The following CCDC57 variants were observed in gnomAD, a reference collection of about 807,000 sequenced individuals.
The protein encoded by CCDC57 is coiled-coil domain containing 57.
CCDC57 carries 118 observed loss-of-function variants against 118.9 expected under a neutral mutation model. That is an observed-to-expected ratio of 0.99 (90% CI 0.86 to 1.16). The LOEUF is 1.16. Ranked by LOEUF, CCDC57 falls within the 50% of genes most tolerant of loss-of-function variation. CCDC57 has a pLI of 0.00. For synonymous variants in CCDC57, 527 were observed against 532.9 expected (o/e 0.99, Z 0.15); for missense variants, 1,300 against 1,320.7 (o/e 0.98, Z 0.24).
At chr17:82,126,203 C>T (rs1480627699) in intron 19 of CCDC57, 1 of 216,980 alleles carries the variant, frequency 4.6e-6, no homozygotes, top group Non-Finnish European at 7.8e-6. Flanking sequence ...TCATTTGAAC[C>T]CGGGAGGAGG....
intron 11 of CCDC57, among the ~76,000 whole-genome samples, chr17:82,177,943 G>A (rs982566272): frequency 2.6e-5 from 4 of 152,162 alleles, no homozygotes; most frequent in Admixed American, 6.5e-5. Context: ...CCTGCACCCC[G>A]CTTCCCTCTG....
exon 9 of CCDC57, chr17:82,183,878 T>C (rs2146504913): frequency 6.2e-7 from 1 of 1,613,732 alleles, no homozygotes; most frequent in Non-Finnish European, 8.5e-7. Flanking sequence ...CCTTAGATAG[T>C]TGAGCAATTT....
At chr17:82,182,252 G>T (rs1771366744) in intron 9 of CCDC57, among the ~76,000 whole-genome samples, 1 of 149,160 alleles carries the variant, frequency 6.7e-6, no homozygotes, top group South Asian at 2.1e-4. Flanking sequence ...GATACATGAT[G>T]TTTTATTTCA....
At chr17:82,101,533 G>A (rs776173763) in exon 20 of CCDC57, 8 of 654,920 alleles carry the variant, frequency 1.2e-5, no homozygotes, top group Admixed American at 2.9e-5. Flanking sequence ...CAGCAGGGTC[G>A]CCTCAGCAGC....
At chr17:82,128,323 C>T (rs1232866448) in intron 18 of CCDC57, among the ~76,000 whole-genome samples, 170 bp downstream of exon 17, 1 of 152,152 alleles carries the variant, frequency 6.6e-6, no homozygotes, top group Non-Finnish European at 1.5e-5. Flanking sequence ...TGGGACCACC[C>T]GGCAAACGCT....
At chr17:82,137,908 G>A (rs1381772258) in intron 16 of CCDC57, among the ~76,000 whole-genome samples, 8 of 151,396 alleles carry the variant, frequency 5.3e-5, no homozygotes, top group African/African-American at 1.2e-4. Flanking sequence ...TCTTGACCTC[G>A]TGATCCACCT....
At chr17:82,204,811 C>T (rs892602197) in intron 2 of CCDC57, among the ~76,000 whole-genome samples, 1 of 152,150 alleles carries the variant, frequency 6.6e-6, no homozygotes, top group Non-Finnish European at 1.5e-5. Context: ...AACCAGGCTT[C>T]CCATTCCACT....
chr17:82,149,507 A>G (rs2041552028), intron 16 of CCDC57, among the ~76,000 whole-genome samples: 1 of 152,094 alleles, frequency 6.6e-6, no homozygotes, highest in South Asian at 2.1e-4. Context: ...GCTGCTCACC[A>G]CAGAGCCGCA....
chr17:82,110,958 G>A (rs1390747886), intron 19 of CCDC57, among the ~76,000 whole-genome samples: 2 of 151,370 alleles, frequency 1.3e-5, no homozygotes, highest in Non-Finnish European at 2.9e-5. Flanking sequence ...CCTGGAGGTG[G>A]AGGTTGCGGT....
At chr17:82,189,628 T>C (rs2047400901) in intron 7 of CCDC57, among the ~76,000 whole-genome samples, 1 of 151,964 alleles carries the variant, frequency 6.6e-6, no homozygotes, top group Non-Finnish European at 1.5e-5. Flanking sequence ...GGAGGGTGGA[T>C]CGCTTGAGGT....
exon 20 of CCDC57, chr17:82,101,696 TGTA>T (rs2034463050): frequency 6.2e-7 from 1 of 1,606,676 alleles, no homozygotes; most frequent in Non-Finnish European, 8.5e-7. Context: ...TCCATAATGT[TGTA>T]GTTACGGATC....
At chr17:82,187,854 T>C (rs1476101499) in intron 8 of CCDC57, among the ~76,000 whole-genome samples, 1 of 148,784 alleles carries the variant, frequency 6.7e-6, no homozygotes, top group East Asian at 2.0e-4. Context: ...CGTTGGTGTG[T>C]AATGGGAAGA....
exon 14 of CCDC57, chr17:82,163,278 T>C (rs754342164): frequency 2.7e-5 from 44 of 1,613,938 alleles, no homozygotes; most frequent in Non-Finnish European, 3.6e-5. Flanking sequence ...GTCCAGAGGA[T>C]ACTGGGCCAG....
exon 3 of CCDC57, chr17:82,201,654 T>C (rs1344266672): frequency 6.2e-7 from 1 of 1,613,242 alleles, no homozygotes; most frequent in African/African-American, 1.3e-5. Flanking sequence ...TAGCTGCCTC[T>C]ATCTTGAGCT....
At chr17:82,116,101 C>CT (rs1568154204) in intron 19 of CCDC57, among the ~76,000 whole-genome samples, 10 of 92,612 alleles carry the variant, frequency 1.1e-4, no homozygotes, top group African/African-American at 4.5e-4. Context: ...CCGGCCACAA[C>CT]CTTTTTTTTT....
chr17:82,174,462 T>C (rs2045208314), intron 11 of CCDC57, among the ~76,000 whole-genome samples: 1 of 152,224 alleles, frequency 6.6e-6, no homozygotes, highest in South Asian at 2.1e-4. Context: ...TCTCTCTAGC[T>C]GGGAAAGCCG....
rs1373035086 is a variant in CCDC57 at position 82,172,059 on chromosome 17, G to T, written c.1730-206C>A. Among the ~76,000 whole-genome samples, 1 of 152,198 alleles carries T rather than the reference G, an allele frequency of 6.6e-6. No homozygotes were observed. Among genetic ancestry groups the T allele is most frequent in the South Asian group, 2.1e-4 (1 of 4,828 alleles). On this transcript the variant is annotated intron_variant, in intron 12 of 19. Transcript: ENST00000665763. This position sits in a 1 kb window ranked among gnomAD's most constrained non-coding sequence, Gnocchi z 5.2. ...ACCTTCCCTCCCCTCACTGGCCAGA[G>T]TGTGCCAGCCAGAGACCAGCACAGT...
intron 4 of CCDC57, among the ~76,000 whole-genome samples, chr17:82,196,062 A>G (rs58252206): frequency 0.017 from 2,612 of 152,344 alleles, 61 homozygotes; most frequent in African/African-American, 0.059. Context: ...GAAGTCAGCC[A>G]TAGTCACGGC....
chr17:82,193,615 G>T, intron 7 of CCDC57, 141 bp downstream of exon 6: 3 of 655,206 alleles, frequency 4.6e-6, no homozygotes, highest in Non-Finnish European at 7.9e-6. Flanking sequence ...GAAGGAGAAA[G>T]AAATCCAAAA....
Sources: gnomAD v4.1 joint callset for allele counts (sites outside exome capture counted in the v4.1 genomes callset) on GRCh38, gnomAD v4.1.1 for gene constraint, Gnocchi (gnomAD v3.1) non-coding constraint, MANE v1.5 for transcripts, NCBI Gene and HGNC (gene_info 2026-07-23, HGNC 2026-07-21) for gene names.